Variants in DLG2 observed in about 807,000 individuals in gnomAD.
DLG2 encodes discs large MAGUK scaffold protein 2, also known as disks large homolog 2.
In DLG2, 45 loss-of-function variants were observed where a neutral mutation model predicts 132.5. The observed-to-expected ratio is 0.34, with a 90% CI of 0.27 to 0.44. DLG2 has a LOEUF of 0.44. DLG2 is among the 20% of genes least tolerant of loss of function. The pLI is 1.00. For missense variants in DLG2, 1,045 were observed against 1,196.9 expected, an observed-to-expected ratio of 0.87 and a Z score of 1.87; for synonymous variants, 424 against 419.6, an observed-to-expected ratio of 1.01 and a Z score of -0.13.
intron 18 of DLG2, chr11:83,647,147 A>G (rs2068451838): frequency 6.6e-6 from 1 of 152,014 alleles, no homozygotes; most frequent in African/African-American, 2.4e-5. Flanking sequence ...AGACACTCAA[A>G]TATCAGGACC....
At chr11:83,614,271 A>T (rs1338855881) in intron 19 of DLG2, among the ~76,000 whole-genome samples, 2 of 152,314 alleles carry the variant, frequency 1.3e-5, no homozygotes, top group Non-Finnish European at 2.9e-5. Flanking sequence ...GCAATATGGG[A>T]TATCAACAGT....
At chr11:85,285,184 T>C (rs1188688479) in intron 4 of DLG2, 36 bp downstream of exon 4, 3 of 1,591,386 alleles carry the variant, frequency 1.9e-6, no homozygotes, top group Non-Finnish European at 2.6e-6. Flanking sequence ...TAAGTCCTAG[T>C]ATTATTCAGT....
chr11:85,129,750 T>A lies in DLG2; in HGVS notation c.283-18015A>T, dbSNP rs940650797. On this transcript the variant is annotated intron_variant, in intron 5 of 27. Coordinates refer to ENST00000376104, the MANE Select transcript of DLG2 (RefSeq NM_001142699.3). ...TAAATCATTCTACTATAAAGACACA[T>A]GCACACGTATGTTTATTGCAGCACT... 2.6e-5 allele frequency among the ~76,000 whole-genome samples: 4 copies of A among 152,302 alleles called. No homozygotes were observed. The East Asian group carries it at 7.7e-4, about 29-fold the overall frequency.
At chr11:83,480,553 A>G in intron 22 of DLG2, 2 of 1,537,748 alleles carry the variant, frequency 1.3e-6, no homozygotes, top group Middle Eastern at 1.7e-4. Flanking sequence ...CATTAAGAAA[A>G]CTCAGATAAG....
intron 6 of DLG2, among the ~76,000 whole-genome samples, chr11:84,717,502 G>T (rs2061361467): frequency 2.0e-5 from 3 of 151,850 alleles, no homozygotes; most frequent in Non-Finnish European, 4.4e-5. Context: ...TTCTAGTGTG[G>T]TCAATAAATA....
intron 6 of DLG2, among the ~76,000 whole-genome samples, chr11:85,050,630 C>T (rs2062801251): frequency 6.6e-6 from 1 of 152,102 alleles, no homozygotes; most frequent in South Asian, 2.1e-4. Context: ...GATGTCTTTT[C>T]TGAGCCCTCC....
At position 85,158,522 on chromosome 11, in the gene DLG2, T is replaced by C. The variant is rs2077766504; in HGVS notation, c.187-3871A>G. Among the ~76,000 whole-genome samples the C allele has an allele frequency of 1.3e-5, 2 of 152,162 alleles. 1 individual carries two copies. The highest frequency in any genetic ancestry group is 2.9e-5 in the Non-Finnish European group (2 of 68,036). On this transcript the variant is annotated intron_variant, in intron 4 of 27. Transcript: ENST00000376104. ...GTCCAGACGATACATTCTTGACCAATGCCTTACAAAATAGATTTGTGAGGG... is the reference window on the plus strand; with the variant it reads ...GTCCAGACGATACATTCTTGACCAACGCCTTACAAAATAGATTTGTGAGGG...
At chr11:85,266,323 A>G (rs2077208749) in intron 4 of DLG2, among the ~76,000 whole-genome samples, 2 of 152,178 alleles carry the variant, frequency 1.3e-5, no homozygotes, top group African/African-American at 4.8e-5. Flanking sequence ...GCCAGTGCCA[A>G]AGCAGCCAGC....
At chr11:84,171,184 C>T (rs78328809) in intron 8 of DLG2, among the ~76,000 whole-genome samples, 6,638 of 152,146 alleles carry the variant, frequency 0.044, 200 homozygotes, top group Non-Finnish European at 0.072. Context: ...CTACTTCAAA[C>T]CAAAAGAAAA....
chr11:85,405,153 T>C (rs2088598453), intron 3 of DLG2, among the ~76,000 whole-genome samples: 1 of 151,978 alleles, frequency 6.6e-6, no homozygotes, highest in South Asian at 2.1e-4. Context: ...CTAAGTACTA[T>C]AGATTTGTGC....
chr11:84,268,108 C>A (rs775950302), intron 7 of DLG2, among the ~76,000 whole-genome samples: 2 of 152,196 alleles, frequency 1.3e-5, no homozygotes, highest in Non-Finnish European at 2.9e-5. Context: ...ACTGCTCTTT[C>A]TTGCCTTAGT....
chr11:83,787,408 G>A (rs904100559), intron 17 of DLG2, among the ~76,000 whole-genome samples: 4 of 140,098 alleles, frequency 2.9e-5, no homozygotes, highest in East Asian at 2.3e-4. Context: ...TGCAAGCTCC[G>A]CCTCCCGGGT....
At chr11:84,097,909 A>C (rs1043002007) in intron 10 of DLG2, among the ~76,000 whole-genome samples, 1 of 151,974 alleles carries the variant, frequency 6.6e-6, no homozygotes, top group Non-Finnish European at 1.5e-5. Context: ...TTACCCCATG[A>C]GGGTAACTCT....
chr11:85,483,961 C>T (rs901153158), intron 3 of DLG2, among the ~76,000 whole-genome samples: 1 of 149,284 alleles, frequency 6.7e-6, no homozygotes, highest in African/African-American at 2.5e-5. Context: ...TAAAAAGATG[C>T]AAATTGGCCC....
chr11:84,951,497 T>A (rs2050907907), intron 6 of DLG2, among the ~76,000 whole-genome samples: 1 of 151,970 alleles, frequency 6.6e-6, no homozygotes, highest in Non-Finnish European at 1.5e-5. Flanking sequence ...AAATAAAATG[T>A]TTGATTTGTC....
intron 4 of DLG2, among the ~76,000 whole-genome samples, chr11:85,208,092 A>G (rs116505903): frequency 7.6e-4 from 116 of 152,128 alleles, no homozygotes; most frequent in African/African-American, 2.6e-3. Flanking sequence ...TATAGAACTT[A>G]CCCAGTTTTA....
At chr11:84,299,795 T>C (rs567715049) in intron 7 of DLG2, among the ~76,000 whole-genome samples, 22 of 152,326 alleles carry the variant, frequency 1.4e-4, no homozygotes, top group African/African-American at 5.3e-4. Context: ...TATTTAACTG[T>C]TATCATTCCA....
At chr11:84,183,001 T>C (rs2096181369) in intron 8 of DLG2, among the ~76,000 whole-genome samples, 1 of 152,160 alleles carries the variant, frequency 6.6e-6, no homozygotes, top group Non-Finnish European at 1.5e-5. Flanking sequence ...TGAAATGAAC[T>C]GTTTTCTTGA....
At chr11:84,065,871 G>T (rs1280453663) in intron 10 of DLG2, among the ~76,000 whole-genome samples, 1 of 152,110 alleles carries the variant, frequency 6.6e-6, no homozygotes, top group Non-Finnish European at 1.5e-5. Flanking sequence ...ATATACAATG[G>T]AATACTATGC....
Sources: allele counts gnomAD v4.1 joint callset (sites outside exome capture counted in the v4.1 genomes callset), GRCh38; gene constraint gnomAD v4.1.1; transcripts MANE v1.5; gene names NCBI Gene and HGNC (gene_info 2026-07-23, HGNC 2026-07-21).